IMMP2L: variants seen among roughly 807,000 people sequenced by gnomAD.
The protein encoded by IMMP2L is mitochondrial inner membrane protease subunit 2.
IMMP2L carries 18 observed loss-of-function variants against 19.3 expected under a neutral mutation model. The ratio of observed to expected loss-of-function variants is 0.93; its 90% confidence interval spans 0.64 to 1.38. IMMP2L has a LOEUF of 1.38. Ranked by LOEUF, IMMP2L falls within the 40% of genes most tolerant of loss-of-function variation. IMMP2L has a pLI of 0.00. For missense variants in IMMP2L, 233 were observed against 218.2 expected, an observed-to-expected ratio of 1.07 and a Z score of -0.43; for synonymous variants, 76 against 73.0, an observed-to-expected ratio of 1.04 and a Z score of -0.21.
At chr7:111,365,111 TAAG>T (rs1304229916) in intron 3 of IMMP2L, among the ~76,000 whole-genome samples, 1 of 152,076 alleles carries the variant, frequency 6.6e-6, no homozygotes, top group Non-Finnish European at 1.5e-5. Flanking sequence ...AAACTTTAAA[TAAG>T]AAGGTCTTAA....
At chr7:111,278,772 C>G (rs1819381283) in intron 3 of IMMP2L, among the ~76,000 whole-genome samples, 1 of 152,182 alleles carries the variant, frequency 6.6e-6, no homozygotes. Context: ...TCCCCACATA[C>G]ACAAGTAATC....
At chr7:111,530,958 A>AT (rs145159226) in intron 1 of IMMP2L, among the ~76,000 whole-genome samples, 442 of 143,298 alleles carry the variant, frequency 3.1e-3, no homozygotes, top group Admixed American at 3.7e-3. Context: ...CTGAATATTA[A>AT]TTTTTTTTTT....
At chr7:111,145,208 T>G (rs982289552) in intron 3 of IMMP2L, among the ~76,000 whole-genome samples, 1 of 152,022 alleles carries the variant, frequency 6.6e-6, no homozygotes, top group African/African-American at 2.4e-5. Context: ...TACTAAGGAT[T>G]TGGATCTTCA....
chr7:111,160,203 T>C (rs1278783095), intron 3 of IMMP2L, among the ~76,000 whole-genome samples: 3 of 152,122 alleles, frequency 2.0e-5, no homozygotes, highest in Non-Finnish European at 4.4e-5. Context: ...ATTTCATTTA[T>C]GTAATTTATG....
intron 3 of IMMP2L, among the ~76,000 whole-genome samples, chr7:111,007,178 C>T (rs1011616850): frequency 5.9e-5 from 9 of 152,024 alleles, no homozygotes; most frequent in African/African-American, 1.9e-4. Context: ...GAGAGAAGAG[C>T]GAAGGAGAAA....
Position 111,432,731 on chromosome 7 carries a change from G to T in IMMP2L, c.239+54507C>A, listed in dbSNP as rs145554073. 5.7e-4 allele frequency among the ~76,000 whole-genome samples: 86 copies of T among 151,174 alleles called. 4 individuals are homozygous for T. Among genetic ancestry groups the T allele is most frequent in the African/African-American group, 1.9e-3 (79 of 40,896 alleles). ...TTCTCACTAGAGCAATCAGGCAAGA[G>T]AAAATATTCAAAGGCATCCAAATTG... On this transcript the variant is annotated intron_variant, in intron 3 of 5. Coordinates refer to ENST00000405709, the MANE Select transcript of IMMP2L (RefSeq NM_032549.4).
intron 3 of IMMP2L, among the ~76,000 whole-genome samples, chr7:111,407,585 G>A (rs1261995225): frequency 6.6e-6 from 1 of 152,018 alleles, no homozygotes; most frequent in Admixed American, 6.6e-5. Context: ...CTTTTTAAAT[G>A]AAATATCCAG....
chr7:111,501,834 A>G (rs1408284349), intron 2 of IMMP2L, among the ~76,000 whole-genome samples: 3 of 152,140 alleles, frequency 2.0e-5, no homozygotes, highest in African/African-American at 7.2e-5. Context: ...CACTAAACAT[A>G]GAAAGGAACA....
At chr7:110,782,333 A>C (rs769801634) in intron 5 of IMMP2L, among the ~76,000 whole-genome samples, 1 of 151,952 alleles carries the variant, frequency 6.6e-6, no homozygotes, top group Non-Finnish European at 1.5e-5. Flanking sequence ...GGGAAAAAAT[A>C]AACAAACAGC....
chr7:111,043,076 C>A (rs1353489924), intron 3 of IMMP2L, among the ~76,000 whole-genome samples: 1 of 152,180 alleles, frequency 6.6e-6, no homozygotes, highest in Non-Finnish European at 1.5e-5. Flanking sequence ...ATATACTACA[C>A]TCCCACTCCA....
At chr7:110,930,196 T>A (rs1815310412) in intron 4 of IMMP2L, among the ~76,000 whole-genome samples, 1 of 152,206 alleles carries the variant, frequency 6.6e-6, no homozygotes, top group Admixed American at 6.5e-5. Context: ...TTCCTTTTCA[T>A]ATGTCCTTTG....
At chr7:111,411,107 A>G (rs1313179602) in intron 3 of IMMP2L, among the ~76,000 whole-genome samples, 6 of 149,196 alleles carry the variant, frequency 4.0e-5, no homozygotes, top group Non-Finnish European at 1.5e-5. Context: ...AAAAAAAAAA[A>G]GTAACAAAGA....
intron 3 of IMMP2L, among the ~76,000 whole-genome samples, chr7:111,066,880 C>T (rs1272028697): frequency 6.6e-6 from 1 of 152,182 alleles, no homozygotes; most frequent in Non-Finnish European, 1.5e-5. Context: ...TGGTATCAGT[C>T]AACCTAGAGA....
chr7:110,830,393 T>C (rs1399340999), intron 5 of IMMP2L, among the ~76,000 whole-genome samples: 1 of 150,322 alleles, frequency 6.7e-6, no homozygotes, highest in African/African-American at 2.4e-5. Context: ...GGTTTGTTTC[T>C]AAAAAAAAAC....
chr7:111,164,149 A>AAGGAAGGAAGGAAGGC (rs772786989), intron 3 of IMMP2L, among the ~76,000 whole-genome samples: 3 of 150,672 alleles, frequency 2.0e-5, no homozygotes, highest in Admixed American at 1.3e-4. Context: ...GAGAGGAAGG[A>AAGGAAGGAAGGAAGGC]AGGAAGGAAG....
intron 3 of IMMP2L, among the ~76,000 whole-genome samples, chr7:111,001,319 T>A (rs1823661886): frequency 6.6e-6 from 1 of 152,296 alleles, no homozygotes; most frequent in Non-Finnish European, 1.5e-5. Flanking sequence ...GGTCCCAATA[T>A]AAATAAAATC....
intron 4 of IMMP2L, among the ~76,000 whole-genome samples, chr7:110,889,424 C>T (rs116864782): frequency 0.022 from 3,393 of 152,168 alleles, 64 homozygotes; most frequent in Middle Eastern, 0.051. Context: ...AGCATGCAAC[C>T]TAGATCCCTC....
At chr7:111,419,167 T>C (rs973197312) in intron 3 of IMMP2L, among the ~76,000 whole-genome samples, 5 of 151,714 alleles carry the variant, frequency 3.3e-5, no homozygotes, top group African/African-American at 7.3e-5. Context: ...ATAATGTTAT[T>C]CCAATATATG....
intron 2 of IMMP2L, among the ~76,000 whole-genome samples, chr7:111,506,286 AG>A (rs891240458): frequency 2.6e-5 from 4 of 151,308 alleles, no homozygotes; most frequent in Non-Finnish European, 5.9e-5. Context: ...CACACCCCAG[AG>A]GTCTCTTTCT....
Sources: allele counts gnomAD v4.1 joint callset (sites outside exome capture counted in the v4.1 genomes callset), GRCh38; gene constraint gnomAD v4.1.1; transcripts MANE v1.5; gene names NCBI Gene and HGNC (gene_info 2026-07-23, HGNC 2026-07-21).